The following GRAMD2A variants were observed in gnomAD, a reference collection of about 807,000 sequenced individuals.
The protein encoded by GRAMD2A is GRAM domain containing 2A.
Under a neutral mutation model 51.1 loss-of-function variants are expected in GRAMD2A, and 37 were observed. The observed-to-expected ratio is 0.72, with a 90% CI of 0.56 to 0.95. The LOEUF is 0.95. Ranked by LOEUF, GRAMD2A falls within the 40% of genes least tolerant of loss-of-function variation. The pLI is 0.00. For missense variants in GRAMD2A, 414 were observed against 426.9 expected, an observed-to-expected ratio of 0.97 and a Z score of 0.27; for synonymous variants, 136 against 157.1, an observed-to-expected ratio of 0.87 and a Z score of 1.01.
intron 1 of GRAMD2A, among the ~76,000 whole-genome samples, chr15:72,176,984 C>A (rs1379301389): frequency 1.3e-5 from 2 of 151,356 alleles, no homozygotes; most frequent in South Asian, 2.1e-4. Context: ...CCTGCCTAAG[C>A]CTCCCAAAGT....
Position 72,166,496 on chromosome 15 carries a change from C to T in GRAMD2A, c.543+136G>A. The T allele has an allele frequency of 1.5e-6, 1 of 688,318 alleles. No homozygotes were observed. Among genetic ancestry groups the T allele is most frequent in the South Asian group, 1.6e-5 (1 of 61,612 alleles). 42.6% of individuals were successfully genotyped at this position (688,318 alleles called of 1,614,324 possible). A position where few individuals can be genotyped will look rare whatever the true frequency, so the allele number is the denominator to read the frequency against. ...CAAGTACTGTCTCTTGTACATTGAG[C>T]CTGAGCCTTTAACTCCCCTCTCCCT... On this transcript the variant is annotated intron_variant, in intron 7 of 11. Coordinates refer to ENST00000309731, the MANE Select transcript of GRAMD2A (RefSeq NM_001012642.3). The surrounding 1 kb of genome is among the most constrained non-coding windows in gnomAD (Gnocchi z 4.1).
chr15:72,184,343 C>G (rs1363680640), intron 1 of GRAMD2A, among the ~76,000 whole-genome samples: 1 of 152,266 alleles, frequency 6.6e-6, no homozygotes, highest in Non-Finnish European at 1.5e-5. Context: ...AAGCGGCGCC[C>G]GCGGCGGCAC....
chr15:72,182,131 G>A (rs935059434), intron 1 of GRAMD2A, among the ~76,000 whole-genome samples: 2 of 152,072 alleles, frequency 1.3e-5, no homozygotes, highest in African/African-American at 2.4e-5. Flanking sequence ...TTGGGAGGCC[G>A]AGGAGGGTGG....
chr15:72,194,120 G>A (rs931533524), intron 1 of GRAMD2A, among the ~76,000 whole-genome samples: 9 of 152,256 alleles, frequency 5.9e-5, no homozygotes, highest in Non-Finnish European at 1.3e-4. Flanking sequence ...TGAAGTCCAG[G>A]TGAATAGCGC....
chr15:72,163,397 AG>A lies in GRAMD2A; in HGVS notation c.824del (p.Pro275LeufsTer31), dbSNP rs1204527371. ...WPMPGWGPAC[P>X]KKMPNCSPTA... is the part of the protein sequence containing the mutation. Reference sequence around the variant, plus strand: ...TGGGAGAGCAGTTCGGCATCTTCTTAGGGCAGGCAGGACCCCAGCCTGGCAT... The same window carrying A: ...TGGGAGAGCAGTTCGGCATCTTCTTAGGCAGGCAGGACCCCAGCCTGGCAT... On this transcript the variant is annotated frameshift_variant, in exon 10 of 12. Transcript: ENST00000309731. LOFTEE classifies it high-confidence loss of function. The A allele has an allele frequency of 6.2e-7, 1 of 1,614,150 alleles. No homozygotes were observed. Among genetic ancestry groups the A allele is most frequent in the Non-Finnish European group, 8.5e-7 (1 of 1,179,974 alleles).
chr15:72,195,521 G>A (rs1049043907), intron 1 of GRAMD2A, among the ~76,000 whole-genome samples: 5 of 152,132 alleles, frequency 3.3e-5, no homozygotes, highest in African/African-American at 1.2e-4. Flanking sequence ...ACCCACCTTG[G>A]GTACTGCCGA....
intron 1 of GRAMD2A, 52 bp downstream of exon 1, chr15:72,197,679 C>A: frequency 7.9e-7 from 1 of 1,260,332 alleles, no homozygotes; most frequent in Non-Finnish European, 1.0e-6. Context: ...AGCAGCCCCT[C>A]GCGGCGGCCT....
Position 72,170,370 on chromosome 15 carries a change from G to A in GRAMD2A, c.42-431C>T, listed in dbSNP as rs192384294. 3.3e-5 allele frequency: 15 copies of A among 456,860 alleles called. No homozygotes were observed. The highest frequency in any genetic ancestry group is 6.9e-5 in the East Asian group (1 of 14,424). 28.3% of individuals were successfully genotyped at this position (456,860 alleles called of 1,614,324 possible). A position where few individuals can be genotyped will look rare whatever the true frequency, so the allele number is the denominator to read the frequency against. On this transcript the variant is annotated intron_variant, in intron 1 of 11. Transcript: ENST00000309731. The surrounding 1 kb of genome is among the most constrained non-coding windows in gnomAD (Gnocchi z 4.5). ...GCATGACTGTAAACCATCAGGTTCC[G>A]GGAAAGTAGGCTGAGCACAGGAGGC...
At chr15:72,178,672 T>TCA (rs1433510577) in intron 1 of GRAMD2A, among the ~76,000 whole-genome samples, 1 of 151,040 alleles carries the variant, frequency 6.6e-6, no homozygotes. Flanking sequence ...GCCTCTGGGT[T>TCA]CGTGCCGTTC....
chr15:72,169,746 GC>G (rs2081589478), intron 2 of GRAMD2A, 100 bp downstream of exon 2: 2 of 940,844 alleles, frequency 2.1e-6, no homozygotes, highest in Non-Finnish European at 3.5e-6. Flanking sequence ...CTGCAAAGGG[GC>G]CCCGGCTCTG....
intron 1 of GRAMD2A, among the ~76,000 whole-genome samples, chr15:72,179,410 G>A (rs1047674480): frequency 5.3e-5 from 8 of 152,218 alleles, no homozygotes; most frequent in African/African-American, 1.9e-4. Context: ...GAACAGGCGA[G>A]AGAGAGCCAG....
intron 2 of GRAMD2A, chr15:72,169,535 G>A (rs1052324192): frequency 1.1e-5 from 6 of 567,868 alleles, no homozygotes; most frequent in Admixed American, 2.2e-5. Flanking sequence ...ACCTGGCTGA[G>A]GCTACCACAC....
intron 1 of GRAMD2A, among the ~76,000 whole-genome samples, chr15:72,192,064 GCT>G (rs2081771549): frequency 6.6e-6 from 1 of 152,030 alleles, no homozygotes; most frequent in Non-Finnish European, 1.5e-5. Context: ...TTTTTTAAAG[GCT>G]CTTTTATAGA....
At position 72,166,503 on chromosome 15, in the gene GRAMD2A, C is replaced by T. The variant is rs1327446610; in HGVS notation, c.543+129G>A. The T allele has an allele frequency of 7.0e-6, 5 of 711,832 alleles. No individual in the cohort carries two copies. The highest frequency in any genetic ancestry group is 6.9e-5 in the African/African-American group (4 of 57,622). The allele number at this position is 711,832 out of a possible 1,614,324, so 44.1% of individuals were successfully genotyped here. On this transcript the variant is annotated intron_variant, in intron 7 of 11. Transcript: ENST00000309731. The surrounding 1 kb of genome is among the most constrained non-coding windows in gnomAD (Gnocchi z 4.1). ...TGTCTCTTGTACATTGAGCCTGAGC[C>T]TTTAACTCCCCTCTCCCTGCCCCAT... is the stretch of plus-strand genomic sequence containing the variant.
intron 3 of GRAMD2A, 122 bp downstream of exon 3, chr15:72,168,817 A>T: frequency 1.1e-6 from 1 of 894,458 alleles, no homozygotes; most frequent in East Asian, 2.5e-5. Flanking sequence ...GAAGGGATAC[A>T]CACTCAGGTC....
At chr15:72,181,394 G>C (rs2081696360) in intron 1 of GRAMD2A, among the ~76,000 whole-genome samples, 1 of 152,202 alleles carries the variant, frequency 6.6e-6, no homozygotes. Context: ...GGTGAAACAG[G>C]AATGACTCGT....
chr15:72,163,436 C>T lies in GRAMD2A; in HGVS notation c.786G>A (p.Arg262=), dbSNP rs752545673. ...CCCAGCCTGGCATGGGCCATGCCCA[C>T]CTCCCACCATTTTCTGAAGCTACTT... ...RAQVASENGG[R]WAWPMPGWGP... is the part of the protein sequence containing the mutation. Residue 262 remains arginine, a synonymous_variant, in exon 10 of 12, where the codon AGG becomes AGA. Transcript: ENST00000309731. 56 of 1,614,016 alleles carry T rather than the reference C, an allele frequency of 3.5e-5. No homozygotes were observed. Among genetic ancestry groups the T allele is most frequent in the Non-Finnish European group, 4.6e-5 (54 of 1,179,982 alleles).
rs770879679 is a variant in GRAMD2A, at chr15:72,166,649, C to G, written c.526G>C (p.Val176Leu). 7 of 1,613,712 alleles carry G rather than the reference C, an allele frequency of 4.3e-6. No homozygotes were observed. In the Admixed American group the frequency reaches 1.0e-4, roughly 23 times the overall value. ...CTCCATACCTGTAGGTGGGTGCAGACTCTCCTCAGCAGGTCATATACACTG... is the reference window on the plus strand; with the variant it reads ...CTCCATACCTGTAGGTGGGTGCAGAGTCTCCTCAGCAGGTCATATACACTG... ...RDSVYDLLRR[V>L]CTHLQPSSKK... is the part of the protein sequence containing the mutation. Residue 176 changes from valine (V) to leucine (L), a missense_variant, in exon 7 of 12, where the codon GTC (valine) becomes CTC (leucine). Transcript: ENST00000309731. This position sits in a 1 kb window ranked among gnomAD's most constrained non-coding sequence, Gnocchi z 4.1.
At chr15:72,180,247 G>A (rs547940311) in intron 1 of GRAMD2A, among the ~76,000 whole-genome samples, 1 of 152,338 alleles carries the variant, frequency 6.6e-6, no homozygotes, top group African/African-American at 2.4e-5. Context: ...TGCCCTGCCG[G>A]CTGCTGGCTT....
Sources: gnomAD v4.1 joint callset for allele counts (sites outside exome capture counted in the v4.1 genomes callset) on GRCh38, gnomAD v4.1.1 for gene constraint, Gnocchi (gnomAD v3.1) non-coding constraint, MANE v1.5 for transcripts, NCBI Gene and HGNC (gene_info 2026-07-23, HGNC 2026-07-21) for gene names.